The following IRAK1BP1 variants were observed in gnomAD, a reference collection of about 807,000 sequenced individuals.
IRAK1BP1 encodes the protein interleukin-1 receptor-associated kinase 1-binding protein 1.
Under a neutral mutation model 28.0 loss-of-function variants are expected in IRAK1BP1, and 24 were observed. The observed-to-expected ratio is 0.86, with a 90% CI of 0.62 to 1.20. The LOEUF is 1.20. IRAK1BP1 is among the 50% of genes most tolerant of loss of function. IRAK1BP1 has a pLI of 0.00. For synonymous variants in IRAK1BP1, 131 were observed against 116.3 expected (o/e 1.13, Z -0.81); for missense variants, 336 against 316.7 (o/e 1.06, Z -0.46).
chr6:78,953,366 A>T, the IRAK1BP1 span, among the ~76,000 whole-genome samples: 1 of 152,200 alleles, frequency 6.6e-6, no homozygotes, highest in African/African-American at 2.4e-5. Context: ...TAGAATAAAA[A>T]CATTGTCTTA....
chr6:78,974,108 T>G, the IRAK1BP1 span, among the ~76,000 whole-genome samples: 3 of 151,942 alleles, frequency 2.0e-5, no homozygotes, highest in East Asian at 5.8e-4. Context: ...TATTCCAAAA[T>G]TGACCACATA....
downstream of IRAK1BP1, chr6:78,946,963 A>ACTGG: frequency 2.8e-6 from 2 of 713,766 alleles, no homozygotes; most frequent in Non-Finnish European, 4.5e-6. Flanking sequence ...TTTTTCCAGT[A>ACTGG]AAAAATATTT....
intron 2 of IRAK1BP1, among the ~76,000 whole-genome samples, chr6:78,893,624 G>T (rs9352674): frequency 0.89 from 135,875 of 152,114 alleles, 60,714 homozygotes; most frequent in Admixed American, 0.9. Context: ...TAACTGACTA[G>T]GCTGGGTGCA....
chr6:78,870,804 C>T (rs1489877666), intron 1 of IRAK1BP1, among the ~76,000 whole-genome samples: 2 of 152,018 alleles, frequency 1.3e-5, no homozygotes, highest in African/African-American at 4.8e-5. Flanking sequence ...CTCCGCCTCC[C>T]AGGTTCAAGC....
At position 78,935,154 on chromosome 6, in the gene IRAK1BP1, T is replaced by C. The variant is rs1582063497; in HGVS notation, c.*68-10254T>C. Among the ~76,000 whole-genome samples, 6 of 152,324 alleles carry C rather than the reference T, an allele frequency of 3.9e-5. No homozygotes were observed. The South Asian group carries it at 1.2e-3, about 32-fold the overall frequency. ...TTTTCTTGGCTGGTTCTTCTAAGTA[T>C]ATACTAGGTATTGTTATTAGCAGAC... On this transcript the variant is annotated intron_variant and NMD_transcript_variant, in intron 4 of 4. Transcript: ENST00000606868.
intron 4 of IRAK1BP1, among the ~76,000 whole-genome samples, chr6:78,912,449 G>C (rs921772972): frequency 2.0e-5 from 3 of 152,048 alleles, no homozygotes; most frequent in Non-Finnish European, 4.4e-5. Flanking sequence ...TATTCCTGGT[G>C]GTACCAAGCC....
At chr6:78,970,128 A>T in the IRAK1BP1 span, 8 of 1,612,034 alleles carry the variant, frequency 5.0e-6, no homozygotes, top group East Asian at 2.2e-5. Context: ...AGGGTAGGTA[A>T]TCCCACTTCA....
the IRAK1BP1 span, among the ~76,000 whole-genome samples, chr6:78,953,749 C>T: frequency 1.3e-5 from 2 of 152,064 alleles, no homozygotes; most frequent in Non-Finnish European, 1.5e-5. Context: ...ATTAGCCCGG[C>T]TAATTTTTGT....
rs149887620 is a variant in IRAK1BP1, at chr6:78,883,899, G to A, written c.316-1479G>A. Among the ~76,000 whole-genome samples the A allele has an allele frequency of 6.2e-4, 94 of 152,240 alleles. 1 individual carries two copies. In the South Asian group the frequency reaches 7.5e-3, roughly 12 times the overall value. ...ACCTACCCATTAGTCACTTGTAGCTGTCTCGGTTATCAGAGCAGAAAAAAA... is the reference window on the plus strand; with the variant it reads ...ACCTACCCATTAGTCACTTGTAGCTATCTCGGTTATCAGAGCAGAAAAAAA... On this transcript the variant is annotated intron_variant, in intron 1 of 3. Transcript: ENST00000369940.
At chr6:78,871,344 G>T in intron 1 of IRAK1BP1, 2 of 984,748 alleles carry the variant, frequency 2.0e-6, no homozygotes, top group Non-Finnish European at 2.4e-6. Flanking sequence ...GCTGAAGGGA[G>T]TGTTTAACCC....
intron 4 of IRAK1BP1, chr6:78,941,024 C>T (rs1312151611): frequency 1.2e-6 from 2 of 1,613,900 alleles, no homozygotes; most frequent in Admixed American, 3.3e-5. Flanking sequence ...CTTCCTACCT[C>T]CACGATTCTT....
At chr6:78,930,884 T>G (rs1274779312) in intron 4 of IRAK1BP1, among the ~76,000 whole-genome samples, 2 of 151,954 alleles carry the variant, frequency 1.3e-5, no homozygotes, top group Non-Finnish European at 2.9e-5. Flanking sequence ...TGAGCCGAGA[T>G]CGCACCACTG....
chr6:78,967,407 A>G, the IRAK1BP1 span, among the ~76,000 whole-genome samples: 1 of 152,228 alleles, frequency 6.6e-6, no homozygotes, highest in East Asian at 1.9e-4. Context: ...ATTATGCTAA[A>G]GAGGAAGGAC....
At chr6:78,965,567 A>G in the IRAK1BP1 span, 1 of 599,024 alleles carries the variant, frequency 1.7e-6, no homozygotes, top group Non-Finnish European at 3.0e-6. Flanking sequence ...AAGGTGTACA[A>G]TAATAAATAT....
chr6:78,966,356 T>C, the IRAK1BP1 span, among the ~76,000 whole-genome samples: 2 of 152,246 alleles, frequency 1.3e-5, no homozygotes, highest in African/African-American at 2.4e-5. Context: ...AAATTCATCA[T>C]TAACACTATA....
the IRAK1BP1 span, chr6:78,957,423 G>A: frequency 6.6e-6 from 1 of 151,846 alleles, no homozygotes. Flanking sequence ...AGATTTCTTA[G>A]AGAATAAGGT....
chr6:78,975,918 A>C, the IRAK1BP1 span, among the ~76,000 whole-genome samples: 1 of 150,896 alleles, frequency 6.6e-6, no homozygotes, highest in African/African-American at 2.4e-5. Context: ...ATGGGTAGGA[A>C]GAATCAATAT....
the IRAK1BP1 span, among the ~76,000 whole-genome samples, chr6:78,967,451 T>G: frequency 6.6e-6 from 1 of 152,156 alleles, no homozygotes; most frequent in Non-Finnish European, 1.5e-5. Flanking sequence ...ACGAACAATA[T>G]CTGTAGAATA....
At chr6:78,955,084 C>T in the IRAK1BP1 span, 2 of 893,810 alleles carry the variant, frequency 2.2e-6, no homozygotes, top group Non-Finnish European at 3.3e-6. Context: ...AAAATATTCA[C>T]CAAGTTCTAA....
Sources: gnomAD v4.1 joint callset for allele counts (sites outside exome capture counted in the v4.1 genomes callset) on GRCh38, gnomAD v4.1.1 for gene constraint, MANE v1.5 for transcripts, NCBI Gene and HGNC (gene_info 2026-07-23, HGNC 2026-07-21) for gene names.